The following NSF variants were observed in gnomAD, a reference collection of about 807,000 sequenced individuals.
The protein encoded by NSF is vesicle-fusing ATPase.
A neutral mutation model predicts 50.3 loss-of-function variants in NSF; 14 were observed. The ratio of observed to expected loss-of-function variants is 0.28; its 90% CI spans 0.18 to 0.44. The LOEUF is 0.44. Ranked by LOEUF, NSF falls within the 20% of genes least tolerant of loss-of-function variation. NSF has a pLI of 1.00. For missense variants in NSF, 218 were observed against 504.3 expected, an observed-to-expected ratio of 0.43 and a Z score of 5.44; for synonymous variants, 109 against 175.7, an observed-to-expected ratio of 0.62 and a Z score of 3.00.
chr17:46,675,909 CAT>C (rs1331423495), intron 9 of NSF, among the ~76,000 whole-genome samples: 1 of 129,798 alleles, frequency 7.7e-6, no homozygotes, highest in African/African-American at 3.2e-5. Context: ...CTGGGTAAAA[CAT>C]AACTGAAATC....
At chr17:46,684,752 A>T (rs1215978601) in intron 9 of NSF, among the ~76,000 whole-genome samples, 1 of 137,496 alleles carries the variant, frequency 7.3e-6, no homozygotes, top group Non-Finnish European at 1.6e-5. Flanking sequence ...TTTAAATGTA[A>T]GACCTAAAAC....
intron 13 of NSF, among the ~76,000 whole-genome samples, chr17:46,709,613 G>A (rs1276653539): frequency 1.3e-5 from 2 of 151,824 alleles, no homozygotes. Flanking sequence ...TCCTACCTCA[G>A]CCTCCCAAGT....
chr17:46,610,105 CTCT>C (rs1568014106), intron 1 of NSF, among the ~76,000 whole-genome samples: 1 of 115,328 alleles, frequency 8.7e-6, no homozygotes, highest in African/African-American at 3.4e-5. Flanking sequence ...CTCTTTCTCT[CTCT>C]CTCTCTCTCT....
chr17:46,739,199 C>A (rs917187048), intron 17 of NSF, among the ~76,000 whole-genome samples: 1 of 151,874 alleles, frequency 6.6e-6, no homozygotes, highest in Non-Finnish European at 1.5e-5. Context: ...GTGAAACCCC[C>A]GCCTCTACTA....
chr17:46,726,690 T>G (rs1598719796), intron 16 of NSF, 75 bp downstream of exon 16: 1 of 1,264,798 alleles, frequency 7.9e-7, no homozygotes, highest in East Asian at 2.3e-5. Context: ...AAGAGAAAAT[T>G]AACAAGTATT....
chr17:46,703,680 C>CAA (rs149212597), intron 12 of NSF, among the ~76,000 whole-genome samples: 422 of 36,458 alleles, frequency 0.012, no homozygotes, highest in Middle Eastern at 0.045. Flanking sequence ...GACTCCGTCT[C>CAA]AAAAAAAAAA....
At chr17:46,716,120 C>T (rs1013917483) in intron 15 of NSF, among the ~76,000 whole-genome samples, 2 of 152,088 alleles carry the variant, frequency 1.3e-5, no homozygotes, top group African/African-American at 4.8e-5. Context: ...ACATTGTTAC[C>T]TAATGATAGG....
intron 12 of NSF, among the ~76,000 whole-genome samples, chr17:46,703,680 CAAAAAAA>C (rs149212597): frequency 1.1e-4 from 4 of 37,726 alleles, no homozygotes; most frequent in African/African-American, 3.3e-4. Context: ...GACTCCGTCT[CAAAAAAA>C]AAAAAAAAAA....
chr17:46,718,320 C>G (rs566138015), intron 15 of NSF, among the ~76,000 whole-genome samples: 1 of 152,064 alleles, frequency 6.6e-6, no homozygotes, highest in East Asian at 1.9e-4. Flanking sequence ...CCACCTGAAG[C>G]TCAGTGAAAG....
chr17:46,730,507 G>A (rs978579029), intron 17 of NSF, among the ~76,000 whole-genome samples: 3 of 152,104 alleles, frequency 2.0e-5, no homozygotes, highest in Non-Finnish European at 4.4e-5. Flanking sequence ...AACTATTAAC[G>A]AATGATCTGC....
chr17:46,746,109 T>C (rs1236793940), intron 17 of NSF, among the ~76,000 whole-genome samples: 1 of 152,230 alleles, frequency 6.6e-6, no homozygotes, highest in Non-Finnish European at 1.5e-5. Context: ...TAATTATCTA[T>C]TTTGCATCTG....
intron 9 of NSF, among the ~76,000 whole-genome samples, chr17:46,685,705 ATCT>A (rs1318790494): frequency 3.4e-5 from 5 of 148,358 alleles, no homozygotes; most frequent in Admixed American, 2.0e-4. Flanking sequence ...TAATCTTGAC[ATCT>A]TCTTTACCCA....
At chr17:46,633,934 C>T (rs1416984136) in intron 4 of NSF, among the ~76,000 whole-genome samples, 1 of 60,614 alleles carries the variant, frequency 1.6e-5, no homozygotes, top group Non-Finnish European at 2.7e-5. Flanking sequence ...TGCAATGGTG[C>T]GATCTTGGCT....
intron 17 of NSF, among the ~76,000 whole-genome samples, chr17:46,739,109 C>T (rs998352842): frequency 1.3e-5 from 2 of 152,060 alleles, no homozygotes; most frequent in Admixed American, 1.3e-4. Context: ...GTGGCTCACA[C>T]CCGTAATCCC....
At chr17:46,738,902 G>C (rs1376996666) in intron 17 of NSF, among the ~76,000 whole-genome samples, 4 of 152,084 alleles carry the variant, frequency 2.6e-5, no homozygotes, top group Admixed American at 6.5e-5. Flanking sequence ...AGGACTTCTA[G>C]ACCAGCCTGG....
intron 15 of NSF, among the ~76,000 whole-genome samples, chr17:46,715,598 G>A (rs1438877493): frequency 6.6e-6 from 1 of 152,154 alleles, no homozygotes; most frequent in Admixed American, 6.5e-5. Flanking sequence ...GTGGGTGGAT[G>A]GTCCTAGTTT....
At position 46,737,438 on chromosome 17, in the gene NSF, C is replaced by T. The variant is rs78317970; in HGVS notation, c.1908+8504C>T. ...TTATACTCAGGTATTTCTCTAGCAA[C>T]CCTAACGCTGAACAAGAGGAAGAGG... is the stretch of plus-strand genomic sequence containing the variant. On this transcript the variant is annotated intron_variant, in intron 17 of 20. Coordinates refer to ENST00000398238, the MANE Select transcript of NSF (RefSeq NM_006178.4). Among the ~76,000 whole-genome samples, 11 of 152,286 alleles carry T rather than the reference C, an allele frequency of 7.2e-5. No homozygotes were observed. The East Asian group carries it at 2.1e-3, about 29-fold the overall frequency.
At chr17:46,715,320 AG>A (rs2058757717) in intron 15 of NSF, among the ~76,000 whole-genome samples, 1 of 152,204 alleles carries the variant, frequency 6.6e-6, no homozygotes, top group Non-Finnish European at 1.5e-5. Context: ...ATTTCCCTAG[AG>A]TAGGTAGGGC....
At chr17:46,741,704 G>A (rs1177797106) in intron 17 of NSF, among the ~76,000 whole-genome samples, 4 of 152,130 alleles carry the variant, frequency 2.6e-5, no homozygotes, top group South Asian at 2.1e-4. Flanking sequence ...AATGGTAGTC[G>A]ATCTTTTCCC....
Sources: gnomAD v4.1 joint callset for allele counts (sites outside exome capture counted in the v4.1 genomes callset) on GRCh38, gnomAD v4.1.1 for gene constraint, MANE v1.5 for transcripts, NCBI Gene and HGNC (gene_info 2026-07-23, HGNC 2026-07-21) for gene names.